Variants in SS18 observed in about 807,000 individuals in gnomAD.
SS18 encodes SS18 subunit of BAF chromatin remodeling complex, also known as protein SSXT.
Under a neutral mutation model 72.5 loss-of-function variants are expected in SS18, and 28 were observed. The observed-to-expected ratio is 0.39, with a 90% CI of 0.29 to 0.53. SS18 has a LOEUF of 0.53. SS18 is among the 20% of genes least tolerant of loss of function. The pLI is 0.76. For missense variants in SS18, 518 were observed against 535.3 expected, an observed-to-expected ratio of 0.97 and a Z score of 0.32; for synonymous variants, 172 against 164.2, an observed-to-expected ratio of 1.05 and a Z score of -0.37.
intron 5 of SS18, among the ~76,000 whole-genome samples, chr18:26,047,574 ATGCC>A (rs1336922956): frequency 8.5e-5 from 13 of 152,142 alleles, no homozygotes; most frequent in African/African-American, 2.9e-4. Flanking sequence ...GTGGTGGCTC[ATGCC>A]TGTCTGTAAT....
At chr18:26,091,095 C>G (rs887000946), upstream of SS18, 2 of 153,980 alleles carry the variant, frequency 1.3e-5, no homozygotes, top group Non-Finnish European at 2.9e-5. Context: ...TCCTTACTTA[C>G]GCCTCCTGGC....
chr18:26,068,334 A>G (rs985044372), intron 3 of SS18: 1 of 152,230 alleles, frequency 6.6e-6, no homozygotes, highest in African/African-American at 2.4e-5. Flanking sequence ...TGTAGAAAAC[A>G]GCAAGGTATA....
At chr18:26,090,949 C>G, upstream of SS18, 1 of 301,158 alleles carries the variant, frequency 3.3e-6, no homozygotes, top group Non-Finnish European at 6.2e-6. Flanking sequence ...GCCCCTGTCA[C>G]AGGAAATGCG....
chr18:26,044,448 C>T (rs935976479), intron 5 of SS18, among the ~76,000 whole-genome samples: 2 of 151,394 alleles, frequency 1.3e-5, no homozygotes, highest in East Asian at 3.9e-4. Context: ...CTCAGCCACC[C>T]GAGAAGCTGA....
At chr18:26,053,939 C>T (rs2053967312) in intron 4 of SS18, among the ~76,000 whole-genome samples, 1 of 152,102 alleles carries the variant, frequency 6.6e-6, no homozygotes, top group Non-Finnish European at 1.5e-5. Context: ...AACAACAATT[C>T]AAATAAAGTA....
At chr18:26,074,776 C>T (rs2054380497) in intron 3 of SS18, among the ~76,000 whole-genome samples, 1 of 151,716 alleles carries the variant, frequency 6.6e-6, no homozygotes, top group East Asian at 1.9e-4. Flanking sequence ...TTGAAAAATG[C>T]TGCAACAGAG....
At chr18:26,056,259 T>A (rs1021875444) in intron 4 of SS18, among the ~76,000 whole-genome samples, 1 of 152,180 alleles carries the variant, frequency 6.6e-6, no homozygotes, top group Non-Finnish European at 1.5e-5. Context: ...AGAATTTAAG[T>A]CAAAATCCTA....
intron 2 of SS18, among the ~76,000 whole-genome samples, chr18:26,081,838 G>C (rs79666114): frequency 6.6e-6 from 1 of 151,876 alleles, no homozygotes; most frequent in Non-Finnish European, 1.5e-5. Context: ...CAGGAGGATC[G>C]CTTAAGCCTA....
intron 4 of SS18, 82 bp downstream of exon 4, chr18:26,057,507 C>A (rs760526408): frequency 1.4e-5 from 22 of 1,548,496 alleles, no homozygotes; most frequent in Non-Finnish European, 2.0e-5. Context: ...TTGTCATCAA[C>A]AATCTAGTAT....
intron 3 of SS18, among the ~76,000 whole-genome samples, chr18:26,071,168 T>C (rs1045769138): frequency 2.0e-4 from 31 of 152,272 alleles, no homozygotes; most frequent in African/African-American, 7.5e-4. Context: ...AAGAATTATT[T>C]GCTTGAAGAG....
chr18:26,073,971 T>G lies in SS18; in HGVS notation c.231+4105A>C, dbSNP rs147882660. Among the ~76,000 whole-genome samples the G allele has an allele frequency of 4.9e-3, 744 of 152,284 alleles. 9 individuals are homozygous for G. Among genetic ancestry groups the G allele is most frequent in the African/African-American group, 0.017 (700 of 41,578 alleles). ...CAAGAAAATCAACTAATAACATTTG[T>G]TGCCAAGATCACATTTGAATTTCCA... On this transcript the variant is annotated intron_variant, in intron 3 of 10. Transcript: ENST00000415083.
chr18:26,072,507 A>G (rs1354204119), intron 3 of SS18, among the ~76,000 whole-genome samples: 2 of 152,160 alleles, frequency 1.3e-5, no homozygotes, highest in African/African-American at 4.8e-5. Flanking sequence ...ATTACTAAAG[A>G]TAAGAAGGGA....
chr18:26,045,051 C>T (rs1377624676), intron 5 of SS18, among the ~76,000 whole-genome samples: 1 of 152,164 alleles, frequency 6.6e-6, no homozygotes, highest in East Asian at 1.9e-4. Flanking sequence ...TGGTAAATAT[C>T]CCACAATTGA....
chr18:26,064,764 A>C (rs1441064675), intron 3 of SS18: 1 of 152,072 alleles, frequency 6.6e-6, no homozygotes, highest in African/African-American at 2.4e-5. Context: ...ATAAAGACTA[A>C]AAGAAAATAG....
Position 26,063,640 on chromosome 18 carries a change from G to T in SS18, c.232-5898C>A, listed in dbSNP as rs183201634. 4.5e-4 allele frequency among the ~76,000 whole-genome samples: 69 copies of T among 152,282 alleles called. 1 individual carries two copies. In the East Asian group the frequency reaches 0.011, roughly 25 times the overall value. On this transcript the variant is annotated intron_variant, in intron 3 of 10. Coordinates refer to ENST00000415083, the MANE Select transcript of SS18 (RefSeq NM_001007559.3). ...GAAAATGTAATATCAAAATTTGTGA[G>T]ATGCAGTTTAAGCTATGCTTACAGG...
intron 10 of SS18, among the ~76,000 whole-genome samples, chr18:26,032,088 CT>C (rs2053552405): frequency 6.6e-6 from 1 of 152,064 alleles, no homozygotes; most frequent in Non-Finnish European, 1.5e-5. Flanking sequence ...TCTATCTATA[CT>C]TTACCTCAGT....
chr18:26,034,031 TA>T (rs1355735713), intron 9 of SS18, among the ~76,000 whole-genome samples: 1 of 152,172 alleles, frequency 6.6e-6, no homozygotes, highest in African/African-American at 2.4e-5. Flanking sequence ...ATCCATGGAA[TA>T]TTTCTAAAGT....
At chr18:26,029,316 G>C (rs1014904627) in intron 10 of SS18, among the ~76,000 whole-genome samples, 1 of 152,158 alleles carries the variant, frequency 6.6e-6, no homozygotes, top group Non-Finnish European at 1.5e-5. Context: ...AACACCACAG[G>C]GTTGTAAGCA....
At chr18:26,054,725 T>C (rs530084850) in intron 4 of SS18, among the ~76,000 whole-genome samples, 47 of 151,210 alleles carry the variant, frequency 3.1e-4, no homozygotes, top group African/African-American at 1.1e-3. Flanking sequence ...TTATTTTATA[T>C]AGAGAAAATC....
Sources: allele counts gnomAD v4.1 joint callset (sites outside exome capture counted in the v4.1 genomes callset), GRCh38; gene constraint gnomAD v4.1.1; transcripts MANE v1.5; gene names NCBI Gene and HGNC (gene_info 2026-07-23, HGNC 2026-07-21).